Variants in RABL6 observed in about 807,000 individuals in gnomAD.
The protein encoded by RABL6 is RAB, member RAS oncogene family like 6.
RABL6 carries 28 observed loss-of-function variants against 72.9 expected under a neutral mutation model. That is an observed-to-expected ratio of 0.38 (90% confidence interval 0.28 to 0.53). RABL6 has a LOEUF of 0.53. RABL6 is among the 20% of genes least tolerant of loss of function. RABL6 has a pLI of 0.80. For missense variants in RABL6, 1,029 were observed against 1,008.4 expected (o/e 1.02, Z -0.28); for synonymous variants, 477 against 421.2 (o/e 1.13, Z -1.62).
In RABL6 at chr9:136,829,485, G is replaced by A; in HGVS notation, c.458+1G>A. On this transcript the variant is annotated splice_donor_variant, in intron 5 of 14. Transcript: ENST00000311502. LOFTEE classifies it high-confidence loss of function. The stretch of plus-strand genomic sequence containing the variant: ...TGATGTTCGACATTACCAAGCAGTG[G>A]TAAGAGGGAGCTGGCGGGGGCAGCT... 6.3e-7 allele frequency: 1 copy of A among 1,577,406 alleles called. No homozygotes were observed. Among genetic ancestry groups the A allele is most frequent in the Non-Finnish European group, 8.6e-7 (1 of 1,162,128 alleles).
chr9:136,814,038 A>T, intron 1 of RABL6: 1 of 403,824 alleles, frequency 2.5e-6, no homozygotes. Flanking sequence ...GTTTAATTTC[A>T]TTGCCAAAGT....
intron 1 of RABL6, chr9:136,814,252 GCT>G: frequency 5.2e-6 from 1 of 192,308 alleles, no homozygotes. Flanking sequence ...GTGCAATGGT[GCT>G]CACTGCAGCT....
In RABL6 at chr9:136,841,012, C is replaced by A. The variant is rs547365475; in HGVS notation, c.*490C>A. 3 of 1,435,430 alleles carry A rather than the reference C, an allele frequency of 2.1e-6. No homozygotes were observed. The highest frequency in any genetic ancestry group is 2.7e-6 in the Non-Finnish European group (3 of 1,091,880). 88.9% of individuals were successfully genotyped at this position (1,435,430 alleles called of 1,614,324 possible). ...ACCCTAAAGGGCGGCCCAGGCCCCACGCTAGAAGGCTGGCGAGACCGAAGG... is the reference window on the plus strand; with the variant it reads ...ACCCTAAAGGGCGGCCCAGGCCCCAAGCTAGAAGGCTGGCGAGACCGAAGG... On this transcript the variant is annotated 3_prime_UTR_variant, in exon 15 of 15. Transcript: ENST00000311502.
intron 1 of RABL6, among the ~76,000 whole-genome samples, chr9:136,816,314 A>G (rs1280858115): frequency 6.6e-6 from 1 of 152,030 alleles, no homozygotes; most frequent in African/African-American, 2.4e-5. Context: ...CATGTTGCCC[A>G]GGCTGGTCTC....
intron 3 of RABL6, chr9:136,827,564 C>G (rs1361209612): frequency 6.6e-6 from 1 of 152,344 alleles, no homozygotes; most frequent in African/African-American, 2.4e-5. Flanking sequence ...TGCAGGCCCC[C>G]GACAGCCAGC....
Position 136,839,856 on chromosome 9 carries a change from A to C in RABL6, c.1921A>C (p.Ser641Arg), listed in dbSNP as rs1403459889. Residue 641 changes from serine to arginine, a missense_variant, in exon 13 of 15, where the codon AGT (serine) becomes CGT (arginine). Coordinates refer to ENST00000311502, the MANE Select transcript of RABL6 (RefSeq NM_024718.5). ...GLEEAGPKES[S>R]EEGKEGKTPS... Reference sequence around the variant, plus strand: ...GGAGGAGGCCGGACCCAAGGAGAGCAGTGAGGAAGGTGGGTGGGGGCACCA... The same window carrying C: ...GGAGGAGGCCGGACCCAAGGAGAGCCGTGAGGAAGGTGGGTGGGGGCACCA... 3 of 1,611,912 alleles carry C rather than the reference A, an allele frequency of 1.9e-6. No homozygotes were observed. In the African/African-American group the frequency reaches 4.0e-5, roughly 22 times the overall value.
intron 7 of RABL6, chr9:136,832,594 T>G: frequency 1.6e-6 from 1 of 608,604 alleles, no homozygotes; most frequent in East Asian, 2.9e-5. Flanking sequence ...CCCCTCCACC[T>G]CTGCGGGGAC....
In RABL6 at chr9:136,816,731, G is replaced by GA. The variant is rs1397909452; in HGVS notation, c.131-6794_131-6793insA. Among the ~76,000 whole-genome samples, 53 of 143,542 alleles carry GA rather than the reference G, an allele frequency of 3.7e-4. 3 individuals are homozygous for GA. In the East Asian group the frequency reaches 0.012, roughly 33 times the overall value. The allele number at this position is 143,542 out of a possible 152,430, so 94.2% of individuals were successfully genotyped here. A position where few individuals can be genotyped will look rare whatever the true frequency, so the allele number is the denominator to read the frequency against. On this transcript the variant is annotated intron_variant, in intron 1 of 14. Transcript: ENST00000311502. ...GACTCTGTCTCAAAAAAAAGGGGGG[G>GA]GGGGTAATTTTTTAAAATAATTAAA... is the stretch of plus-strand genomic sequence containing the variant.
At chr9:136,830,777 C>T (rs549949290) in intron 5 of RABL6, among the ~76,000 whole-genome samples, 6 of 152,340 alleles carry the variant, frequency 3.9e-5, no homozygotes, top group African/African-American at 9.6e-5. Flanking sequence ...TGAGAAGACG[C>T]GGCAAAGGCG....
intron 1 of RABL6, chr9:136,814,097 GA>G: frequency 2.9e-6 from 1 of 342,694 alleles, no homozygotes. Flanking sequence ...TCAGCAGCTT[GA>G]AAATCCACAT....
At chr9:136,821,655 G>T (rs1848240398) in intron 1 of RABL6, 1 of 989,068 alleles carries the variant, frequency 1.0e-6, no homozygotes, top group Admixed American at 6.1e-5. Flanking sequence ...GGCCCGTCTC[G>T]GGCCTCCCGC....
intron 1 of RABL6, among the ~76,000 whole-genome samples, chr9:136,820,768 A>G (rs1042981451): frequency 6.6e-6 from 1 of 152,246 alleles, no homozygotes; most frequent in Non-Finnish European, 1.5e-5. Context: ...ATGATATGAA[A>G]AAAATAAACA....
chr9:136,814,537 A>C (rs969958692), intron 1 of RABL6: 1 of 152,078 alleles, frequency 6.6e-6, no homozygotes, highest in African/African-American at 2.4e-5. Flanking sequence ...TTTCCAACAA[A>C]GATTGAAAGA....
At chr9:136,815,497 TG>T in intron 1 of RABL6, 1 of 262,764 alleles carries the variant, frequency 3.8e-6, no homozygotes. Flanking sequence ...GCCATTTTCT[TG>T]GGGTCACCTT....
intron 8 of RABL6, chr9:136,836,087 G>A (rs550585537): frequency 1.4e-5 from 6 of 430,720 alleles, no homozygotes; most frequent in South Asian, 7.5e-5. Flanking sequence ...TCTGAGTACC[G>A]CTGACCGTGG....
intron 4 of RABL6, among the ~76,000 whole-genome samples, chr9:136,828,758 G>A (rs1362106402): frequency 1.3e-5 from 2 of 152,112 alleles, no homozygotes; most frequent in Non-Finnish European, 2.9e-5. Flanking sequence ...ACATCACGTT[G>A]GACTGACCCC....
At chr9:136,830,748 A>G (rs1385662890) in intron 5 of RABL6, among the ~76,000 whole-genome samples, 1 of 152,256 alleles carries the variant, frequency 6.6e-6, no homozygotes, top group Non-Finnish European at 1.5e-5. Flanking sequence ...CGGGAGTGAC[A>G]GCGAGACTTG....
intron 1 of RABL6, chr9:136,808,673 C>T (rs1847928356): frequency 6.5e-6 from 1 of 154,432 alleles, no homozygotes; most frequent in South Asian, 2.1e-4. Context: ...GCCCGCCGGC[C>T]CGGGGCGCCG....
rs761511221 is a variant in RABL6, at chr9:136,840,895, G to T, written c.*373G>T. 19 of 1,508,316 alleles carry T rather than the reference G, an allele frequency of 1.3e-5. No individual in the cohort carries two copies. Among genetic ancestry groups the T allele is most frequent in the East Asian group, 5.0e-5 (2 of 40,322 alleles). 93.4% of individuals were successfully genotyped at this position (1,508,316 alleles called of 1,614,324 possible). On this transcript the variant is annotated 3_prime_UTR_variant, in exon 15 of 15. Transcript: ENST00000311502. ...TTGGCTGTGGGGTGTGCGCTGCCCC[G>T]GCACCTGCTTGCCCTCCGCGCTCAT...
Sources: gnomAD v4.1 joint callset for allele counts (sites outside exome capture counted in the v4.1 genomes callset) on GRCh38, gnomAD v4.1.1 for gene constraint, MANE v1.5 for transcripts, NCBI Gene and HGNC (gene_info 2026-07-23, HGNC 2026-07-21) for gene names.